Variants in AUTS2 observed in about 807,000 individuals in gnomAD.
AUTS2 encodes the protein activator of transcription and developmental regulator AUTS2.
AUTS2 carries 17 observed loss-of-function variants against 112.4 expected under a neutral mutation model. The observed-to-expected ratio is 0.15, with a 90% CI of 0.10 to 0.23. The LOEUF (loss-of-function observed/expected upper bound fraction) is 0.23, where lower values mean the gene tolerates loss of function less well. AUTS2 is among the 10% of genes least tolerant of loss of function. AUTS2 has a pLI of 1.00. For missense variants in AUTS2, 1,510 were observed against 1,701.6 expected (o/e 0.89, Z 1.98); for synonymous variants, 751 against 702.7 (o/e 1.07, Z -1.09).
At chr7:70,113,441 AG>A (rs1177760232) in intron 2 of AUTS2, among the ~76,000 whole-genome samples, 1 of 152,194 alleles carries the variant, frequency 6.6e-6, no homozygotes, top group Non-Finnish European at 1.5e-5. Context: ...GTATTTTTCA[AG>A]ATTAAATACT....
chr7:70,666,438 C>G (rs1807352896), intron 5 of AUTS2, among the ~76,000 whole-genome samples: 1 of 152,132 alleles, frequency 6.6e-6, no homozygotes, highest in Non-Finnish European at 1.5e-5. Flanking sequence ...GATTACAGGA[C>G]AGACAGAGAT....
rs1217012084 is a variant in AUTS2 at position 70,790,797 on chromosome 7, A to G, written c.3581A>G (p.Tyr1194Cys). Residue 1194 changes from tyrosine (Y) to cysteine (C), a missense_variant, in exon 19 of 19, where the codon TAT (tyrosine) becomes TGT (cysteine). Physicochemically the swap from Tyr to Cys is radical, Grantham distance 194. Transcript: ENST00000342771. The surrounding 1 kb of genome is among the most constrained non-coding windows in gnomAD (Gnocchi z 7.6). ...LITPGLPSMH[Y>C]PRISPTAGNQ... ...ACCCCGGGACTCCCCAGCATGCACTATCCCCGCATCAGCCCCACCGCGGGC... is the reference window on the plus strand; with the variant it reads ...ACCCCGGGACTCCCCAGCATGCACTGTCCCCGCATCAGCCCCACCGCGGGC... 1 of 1,609,044 alleles carries G rather than the reference A, an allele frequency of 6.2e-7. No homozygotes were observed. The highest frequency in any genetic ancestry group is 8.5e-7 in the Non-Finnish European group (1 of 1,177,202).
chr7:69,873,565 T>G (rs570196822), intron 1 of AUTS2, among the ~76,000 whole-genome samples: 25 of 152,202 alleles, frequency 1.6e-4, no homozygotes, highest in African/African-American at 5.5e-4. Context: ...ACACAGCACT[T>G]GGCCAGTCAA....
intron 1 of AUTS2, among the ~76,000 whole-genome samples, chr7:69,880,760 G>A (rs778590444): frequency 1.4e-4 from 22 of 152,166 alleles, no homozygotes; most frequent in Non-Finnish European, 2.5e-4. Flanking sequence ...CCCTGGATGA[G>A]GGTAGATGAA....
At chr7:70,366,499 G>A (rs1041501642) in intron 4 of AUTS2, among the ~76,000 whole-genome samples, 6 of 152,146 alleles carry the variant, frequency 3.9e-5, no homozygotes, top group African/African-American at 1.4e-4. Flanking sequence ...TGGAATAGAG[G>A]CTTTTGAAAA....
chr7:70,247,368 G>C (rs1185097181), intron 4 of AUTS2, among the ~76,000 whole-genome samples: 1 of 152,082 alleles, frequency 6.6e-6, no homozygotes, highest in African/African-American at 2.4e-5. Flanking sequence ...GGTGGGAAGA[G>C]GGAATGGGCT....
At chr7:70,430,613 T>C (rs1795616891) in intron 4 of AUTS2, among the ~76,000 whole-genome samples, 1 of 151,886 alleles carries the variant, frequency 6.6e-6, no homozygotes, top group Non-Finnish European at 1.5e-5. Context: ...ATAGAAACAA[T>C]AGAACTCCAG....
chr7:70,673,610 A>T (rs1807758552), intron 5 of AUTS2, among the ~76,000 whole-genome samples: 1 of 152,134 alleles, frequency 6.6e-6, no homozygotes, highest in African/African-American at 2.4e-5. Context: ...TCCAGGCCTC[A>T]GGTAATCCAC....
chr7:69,607,427 G>T (rs1483907208), intron 1 of AUTS2, among the ~76,000 whole-genome samples: 4 of 152,046 alleles, frequency 2.6e-5, no homozygotes, highest in Non-Finnish European at 5.9e-5. Flanking sequence ...ATGCATTTAG[G>T]ACATTGTGTA....
chr7:69,673,047 C>T (rs1301431383), intron 1 of AUTS2, among the ~76,000 whole-genome samples: 2 of 152,092 alleles, frequency 1.3e-5, no homozygotes, highest in African/African-American at 4.8e-5. Flanking sequence ...GAGTTTTTTC[C>T]TAGATTCAAA....
chr7:69,949,815 G>T (rs1184510698), intron 2 of AUTS2, among the ~76,000 whole-genome samples: 1 of 152,272 alleles, frequency 6.6e-6, no homozygotes, highest in East Asian at 1.9e-4. Flanking sequence ...GAAGCACCTT[G>T]TCTGGTTCAG....
At chr7:70,496,681 C>CCT (rs1384953693) in intron 5 of AUTS2, among the ~76,000 whole-genome samples, 11 of 133,552 alleles carry the variant, frequency 8.2e-5, no homozygotes, top group South Asian at 2.7e-4. Context: ...ATCACACACC[C>CCT]CACTCACACC....
At chr7:70,735,520 T>C (rs1391966608) in intron 6 of AUTS2, among the ~76,000 whole-genome samples, 3 of 152,100 alleles carry the variant, frequency 2.0e-5, no homozygotes, top group African/African-American at 7.2e-5. Context: ...CCTTTGACTT[T>C]AAGGACCGCG....
intron 1 of AUTS2, among the ~76,000 whole-genome samples, chr7:69,732,584 G>C (rs1191062906): frequency 6.6e-6 from 1 of 151,978 alleles, no homozygotes; most frequent in African/African-American, 2.4e-5. Context: ...CCCCCAATTT[G>C]ATTTCATAAA....
At chr7:70,276,149 C>T (rs937354234) in intron 4 of AUTS2, among the ~76,000 whole-genome samples, 8 of 152,118 alleles carry the variant, frequency 5.3e-5, no homozygotes, top group Middle Eastern at 3.4e-3. Flanking sequence ...ACATTGAGTA[C>T]GTGCTTTGTG....
chr7:70,121,109 C>T (rs1453490325), intron 3 of AUTS2, among the ~76,000 whole-genome samples: 1 of 152,104 alleles, frequency 6.6e-6, no homozygotes, highest in African/African-American at 2.4e-5. Flanking sequence ...AGAATTTTCT[C>T]TTTAACAGAT....
In AUTS2 at chr7:70,423,549, A is replaced by G. The variant is rs1210964445; in HGVS notation, c.661-12203A>G. ...CATAACTTACAAATTTAAACTCCAA[A>G]TCTTGTACCTATGCATTTTACTTTA... On this transcript the variant is annotated intron_variant, in intron 4 of 18. Coordinates refer to ENST00000342771, the MANE Select transcript of AUTS2 (RefSeq NM_015570.4). Among the ~76,000 whole-genome samples, 5 of 152,194 alleles carry G rather than the reference A, an allele frequency of 3.3e-5. No homozygotes were observed. In the East Asian group the frequency reaches 7.7e-4, roughly 23 times the overall value.
intron 5 of AUTS2, among the ~76,000 whole-genome samples, chr7:70,581,212 C>T (rs1417322787): frequency 6.6e-6 from 1 of 152,074 alleles, no homozygotes; most frequent in African/African-American, 2.4e-5. Context: ...GTGAAACCCC[C>T]ATCTCTACTA....
chr7:69,896,303 G>A (rs1045270392), intron 1 of AUTS2, among the ~76,000 whole-genome samples: 1 of 152,112 alleles, frequency 6.6e-6, no homozygotes, highest in African/African-American at 2.4e-5. Flanking sequence ...ATCTCGACTT[G>A]TCCCCTGAAA....
Sources: allele counts gnomAD v4.1 joint callset (sites outside exome capture counted in the v4.1 genomes callset), GRCh38; gene constraint gnomAD v4.1.1; non-coding constraint Gnocchi (gnomAD v3.1); transcripts MANE v1.5; gene names NCBI Gene and HGNC (gene_info 2026-07-23, HGNC 2026-07-21).